TGFA: variants seen among roughly 807,000 people sequenced by gnomAD.
The protein encoded by TGFA is protransforming growth factor alpha.
In TGFA, 12 loss-of-function variants were observed where a neutral mutation model predicts 21.7. The ratio of observed to expected loss-of-function variants is 0.55; its 90% confidence interval spans 0.35 to 0.90. The LOEUF (loss-of-function observed/expected upper bound fraction) is 0.90. TGFA is among the 40% of genes least tolerant of loss of function. The probability of loss-of-function intolerance (pLI) is 0.01; values close to 1 mark genes in which losing one functional copy is unlikely to be tolerated. For synonymous variants in TGFA, 79 were observed against 88.1 expected (o/e 0.90, Z 0.58); for missense variants, 178 against 210.8 (o/e 0.84, Z 0.96).
At chr2:70,490,754 C>T (rs1553497459) in intron 2 of TGFA, among the ~76,000 whole-genome samples, 3 of 152,172 alleles carry the variant, frequency 2.0e-5, no homozygotes, top group African/African-American at 7.2e-5. Flanking sequence ...AAGACATCTG[C>T]CCTAACGTTC....
chr2:70,472,122 A>T (rs938679518), intron 2 of TGFA, among the ~76,000 whole-genome samples: 14 of 150,838 alleles, frequency 9.3e-5, no homozygotes, highest in African/African-American at 1.7e-4. Context: ...CTTAAAATTT[A>T]AAAAAAGAAT....
intron 2 of TGFA, among the ~76,000 whole-genome samples, chr2:70,476,101 AAAAAAAT>A (rs1311745866): frequency 1.3e-5 from 2 of 150,864 alleles, no homozygotes; most frequent in African/African-American, 4.9e-5. Flanking sequence ...AAAAAAAAAA[AAAAAAAT>A]TAAGAAAATT....
intron 2 of TGFA, among the ~76,000 whole-genome samples, chr2:70,475,967 G>A (rs1670908604): frequency 6.7e-6 from 1 of 149,158 alleles, no homozygotes; most frequent in Non-Finnish European, 1.5e-5. Context: ...GAAATATACT[G>A]GACGAAGATC....
intron 2 of TGFA, among the ~76,000 whole-genome samples, chr2:70,467,011 G>T (rs1356261338): frequency 6.6e-6 from 1 of 151,764 alleles, no homozygotes; most frequent in Non-Finnish European, 1.5e-5. Flanking sequence ...GGGAGAGTGT[G>T]GGGGGAGTGT....
At chr2:70,481,330 G>A (rs537601280) in intron 2 of TGFA, among the ~76,000 whole-genome samples, 2 of 152,316 alleles carry the variant, frequency 1.3e-5, no homozygotes, top group Admixed American at 1.3e-4. Flanking sequence ...AATAGAATGA[G>A]CTGCCTTAGT....
chr2:70,491,549 A>G (rs1434473691), intron 2 of TGFA, among the ~76,000 whole-genome samples: 1 of 152,218 alleles, frequency 6.6e-6, no homozygotes, highest in Admixed American at 6.5e-5. Context: ...AAAAAAGTTC[A>G]TTCCCTTTAT....
chr2:70,518,388 G>C (rs139865565), intron 1 of TGFA, among the ~76,000 whole-genome samples: 3 of 152,182 alleles, frequency 2.0e-5, no homozygotes, highest in Admixed American at 1.3e-4. Context: ...TCAAAATAGA[G>C]TGGGAACCTG....
In TGFA at chr2:70,465,647, A is replaced by C. The variant is rs1553492074; in HGVS notation, c.184T>G (p.Phe62Val). 2.5e-6 allele frequency: 4 copies of C among 1,614,020 alleles called. No individual in the cohort carries two copies. The highest frequency in any genetic ancestry group is 2.2e-5 in the East Asian group (1 of 44,866). Residue 62 changes from phenylalanine (F) to valine (V), a missense_variant, in exon 3 of 6, where the codon TTT becomes GTT. Transcript: ENST00000295400. The stretch of plus-strand genomic sequence containing the variant: ...GCTGGCTTGTCCTCCTGCACCAAAA[A>C]CCTGCAGGTTCCATGGAAGCAGAAC... The part of the protein sequence containing the change: ...TQFCFHGTCR[F>V]LVQEDKPACV...
rs1553501402 is a variant in TGFA at position 70,514,909 on chromosome 2, A to T, written c.44T>A (p.Ile15Asn). The change falls in exon 2 of 6, where the codon ATT becomes AAT. Residue 15 changes from isoleucine to asparagine, a missense_variant. Transcript: ENST00000295400. ...CAAGGCCTGGCACGCAGCCAACACA[A>T]TACCTGTTGGGTGGAGGAGAAGAGG... ...AGQLALFALG[I>N]VLAACQALEN... 1 of 1,613,620 alleles carries T rather than the reference A, an allele frequency of 6.2e-7. No homozygotes were observed. Among genetic ancestry groups the T allele is most frequent in the African/African-American group, 1.3e-5 (1 of 74,928 alleles).
Position 70,465,726 on chromosome 2 carries a change from G to C in TGFA, c.105C>G (p.Pro35=). 12 of 1,613,988 alleles carry C rather than the reference G, an allele frequency of 7.4e-6. No homozygotes were observed. The highest frequency in any genetic ancestry group is 1.0e-5 in the Non-Finnish European group (12 of 1,179,984). ...NSTSPLSADP[P]VAAAVVSHFN... is the part of the protein sequence containing the mutation. ...AATGGGACACCACTGCTGCAGCCACGGGCGGGTCTGCTGGGGAGAGGAAAG... is the reference window on the plus strand; with the variant it reads ...AATGGGACACCACTGCTGCAGCCACCGGCGGGTCTGCTGGGGAGAGGAAAG... Residue 35 remains proline (P), a synonymous_variant, in exon 3 of 6, where the codon CCC becomes CCG. Transcript: ENST00000295400.
intron 2 of TGFA, among the ~76,000 whole-genome samples, chr2:70,502,919 GT>G (rs1384538914): frequency 3.3e-5 from 5 of 152,158 alleles, no homozygotes; most frequent in African/African-American, 9.7e-5. Context: ...ACCCTGTGGG[GT>G]AGGTTCTGCT....
At chr2:70,536,795 G>A (rs1413399175) in intron 1 of TGFA, among the ~76,000 whole-genome samples, 2 of 152,192 alleles carry the variant, frequency 1.3e-5, no homozygotes, top group Non-Finnish European at 2.9e-5. Context: ...AAACTAGAAA[G>A]AGAAGAGCCA....
chr2:70,464,757 A>C (rs1190992027), intron 3 of TGFA, among the ~76,000 whole-genome samples: 1 of 152,224 alleles, frequency 6.6e-6, no homozygotes, highest in Non-Finnish European at 1.5e-5. Flanking sequence ...GACAGCTTTC[A>C]ACAGGCTCTG....
chr2:70,463,991 C>T (rs782400533), intron 3 of TGFA, among the ~76,000 whole-genome samples: 8 of 152,166 alleles, frequency 5.3e-5, no homozygotes, highest in Admixed American at 2.6e-4. Context: ...CTTAGCCCTG[C>T]GGTGTTCCGA....
intron 2 of TGFA, among the ~76,000 whole-genome samples, chr2:70,481,616 TC>T (rs2103755991): frequency 6.6e-6 from 1 of 152,254 alleles, no homozygotes; most frequent in East Asian, 1.9e-4. Context: ...TGAAGTCCCC[TC>T]CCATACTGTC....
chr2:70,483,626 T>C (rs1397181136), intron 2 of TGFA, among the ~76,000 whole-genome samples: 1 of 152,216 alleles, frequency 6.6e-6, no homozygotes, highest in Non-Finnish European at 1.5e-5. Flanking sequence ...GCACTAACCT[T>C]TTCTACCTGC....
At chr2:70,465,970 C>G (rs11466242) in intron 2 of TGFA, among the ~76,000 whole-genome samples, 1 of 152,128 alleles carries the variant, frequency 6.6e-6, no homozygotes, top group East Asian at 1.9e-4. Flanking sequence ...AACAAATTTC[C>G]CCTCAAACTA....
At chr2:70,478,822 G>T (rs1444761739) in intron 2 of TGFA, among the ~76,000 whole-genome samples, 1 of 152,100 alleles carries the variant, frequency 6.6e-6, no homozygotes, top group African/African-American at 2.4e-5. Context: ...TTGTATAAAA[G>T]ATCATGTTTC....
chr2:70,473,929 C>G (rs1489367121), intron 2 of TGFA, among the ~76,000 whole-genome samples: 1 of 152,042 alleles, frequency 6.6e-6, no homozygotes, highest in Non-Finnish European at 1.5e-5. Flanking sequence ...TGGGGCAGGG[C>G]CATTTTTGTC....
Sources: allele counts gnomAD v4.1 joint callset (sites outside exome capture counted in the v4.1 genomes callset), GRCh38; gene constraint gnomAD v4.1.1; transcripts MANE v1.5; gene names NCBI Gene and HGNC (gene_info 2026-07-23, HGNC 2026-07-21).